RBM26: variants seen among roughly 807,000 people sequenced by gnomAD.
RBM26 encodes the protein RNA binding motif protein 26, also known as RNA-binding protein 26.
RBM26 carries 30 observed loss-of-function variants against 123.6 expected under a neutral mutation model. The observed-to-expected ratio is 0.24, with a 90% CI of 0.18 to 0.33. The LOEUF is 0.33. Among genes scored for constraint, RBM26 ranks in the 10% least tolerant of loss-of-function variants. RBM26 has a pLI of 1.00. For synonymous variants in RBM26, 400 were observed against 404.4 expected (o/e 0.99, Z 0.13); for missense variants, 947 against 1,203.6 (o/e 0.79, Z 3.15).
At chr13:79,359,198 T>C (rs2074375768) in intron 10 of RBM26, among the ~76,000 whole-genome samples, 1 of 152,164 alleles carries the variant, frequency 6.6e-6, no homozygotes, top group African/African-American at 2.4e-5. Flanking sequence ...AGCTCCTACC[T>C]AGCAGGAACT....
rs1405285358 is a variant in RBM26 at position 79,353,235 on chromosome 13, T to C, written c.1987-11A>G. On this transcript the variant is annotated splice_polypyrimidine_tract_variant and intron_variant, in intron 13 of 21. Transcript: ENST00000438737. ...TAACTTAGTTACATTCTAAAAAAAT[T>C]AAAATGGACATATTCAGTGTTTCCC... is the stretch of plus-strand genomic sequence containing the variant. 6.8e-7 allele frequency: 1 copy of C among 1,477,264 alleles called. No homozygotes were observed. Among genetic ancestry groups the C allele is most frequent in the Non-Finnish European group, 9.3e-7 (1 of 1,076,958 alleles). 91.5% of individuals were successfully genotyped at this position (1,477,264 alleles called of 1,614,324 possible).
intron 19 of RBM26, 57 bp downstream of exon 19, chr13:79,337,045 T>A: frequency 6.8e-7 from 1 of 1,466,592 alleles, no homozygotes; most frequent in East Asian, 2.3e-5. Context: ...TTTAATTATG[T>A]CTACTATCCC....
intron 1 of RBM26, among the ~76,000 whole-genome samples, chr13:79,405,264 G>C (rs893563424): frequency 1.3e-5 from 2 of 152,236 alleles, no homozygotes; most frequent in African/African-American, 2.4e-5. Context: ...GCACATGGGA[G>C]ACGTGGCCTT....
At chr13:79,327,295 CAAAA>C (rs5805024) in intron 20 of RBM26, among the ~76,000 whole-genome samples, 5 of 123,008 alleles carry the variant, frequency 4.1e-5, no homozygotes, top group Non-Finnish European at 3.5e-5. Flanking sequence ...GAACCTGTCT[CAAAA>C]AAAAAAAAAA....
chr13:79,390,715 T>C (rs1027266181), intron 1 of RBM26, among the ~76,000 whole-genome samples: 9 of 152,164 alleles, frequency 5.9e-5, no homozygotes, highest in Non-Finnish European at 1.3e-4. Context: ...CACACTAAAA[T>C]GTTAATGGTA....
At chr13:79,385,049 T>C (rs1281976062) in intron 1 of RBM26, among the ~76,000 whole-genome samples, 1 of 152,194 alleles carries the variant, frequency 6.6e-6, no homozygotes, top group Admixed American at 6.5e-5. Flanking sequence ...TTTAAATATG[T>C]TAACTGAGTA....
intron 11 of RBM26, among the ~76,000 whole-genome samples, chr13:79,357,121 T>C (rs542581073): frequency 6.6e-6 from 1 of 152,262 alleles, no homozygotes; most frequent in African/African-American, 2.4e-5. Flanking sequence ...CTGTTAACAA[T>C]AATGTAATTA....
chr13:79,338,694 A>G (rs1050123255), intron 18 of RBM26, among the ~76,000 whole-genome samples: 4 of 152,216 alleles, frequency 2.6e-5, no homozygotes, highest in Admixed American at 6.5e-5. Context: ...TCAGTGCTGA[A>G]GAGGATATTC....
intron 11 of RBM26, among the ~76,000 whole-genome samples, chr13:79,357,342 A>C (rs536329422): frequency 6.6e-6 from 1 of 152,084 alleles, no homozygotes; most frequent in Non-Finnish European, 1.5e-5. Flanking sequence ...TGTTTTTATT[A>C]AATTATAAAA....
intron 8 of RBM26, 114 bp downstream of exon 8, chr13:79,365,941 T>C: frequency 2.8e-6 from 3 of 1,084,780 alleles, no homozygotes; most frequent in South Asian, 1.6e-5. Flanking sequence ...TCACCACGGC[T>C]ACATAATTTT....
rs777502952 is a variant in RBM26 at position 79,405,712 on chromosome 13, G to C, written c.63C>G (p.Leu21=). 8 of 1,596,092 alleles carry C rather than the reference G, an allele frequency of 5.0e-6. No homozygotes were observed. The East Asian group carries it at 1.2e-4, about 23-fold the overall frequency. Residue 21 remains leucine, a synonymous_variant, in exon 1 of 22, where the codon CTC becomes CTG. Coordinates refer to ENST00000438737, the MANE Select transcript of RBM26 (RefSeq NM_001366735.2). ...ATCCCCCGGATACTCACATGGGCTC[G>C]AGAGTCTTGCTGAGCCAGGACTTGA... ...EALKSWLSKT[L]EPICDADPSA...
chr13:79,317,572 A>T (rs747002788), downstream of RBM26, among the ~76,000 whole-genome samples: 2 of 151,706 alleles, frequency 1.3e-5, no homozygotes, highest in Non-Finnish European at 3.0e-5. Context: ...AATTAGTGGG[A>T]TGGACTAGAC....
At chr13:79,365,448 A>C in intron 9 of RBM26, 130 bp downstream of exon 9, 2 of 757,730 alleles carry the variant, frequency 2.6e-6, no homozygotes, top group Non-Finnish European at 4.3e-6. Flanking sequence ...GTCTCCAAAA[A>C]TAAAATGAAA....
At chr13:79,379,600 T>C (rs866664246) in intron 1 of RBM26, among the ~76,000 whole-genome samples, 1 of 150,336 alleles carries the variant, frequency 6.7e-6, no homozygotes, top group Non-Finnish European at 1.5e-5. Flanking sequence ...CAAAATAAAC[T>C]TGGAAACATG....
chr13:79,390,924 A>G (rs891174495), intron 1 of RBM26, among the ~76,000 whole-genome samples: 1 of 152,210 alleles, frequency 6.6e-6, no homozygotes, highest in Non-Finnish European at 1.5e-5. Context: ...ATCAATATAT[A>G]AAAAGTCTAG....
intron 18 of RBM26, among the ~76,000 whole-genome samples, chr13:79,340,513 T>C (rs2071195206): frequency 6.6e-6 from 1 of 152,194 alleles, no homozygotes; most frequent in East Asian, 1.9e-4. Context: ...ATGACGTTAA[T>C]GTCTATTTCA....
intron 9 of RBM26, among the ~76,000 whole-genome samples, chr13:79,362,908 G>A (rs906173051): frequency 2.1e-4 from 32 of 152,110 alleles, no homozygotes; most frequent in African/African-American, 7.5e-4. Flanking sequence ...CTCAGCAAAT[G>A]ATCTAATATT....
chr13:79,389,659 TCAGC>T (rs2077774834), intron 1 of RBM26: 1 of 152,186 alleles, frequency 6.6e-6, no homozygotes, highest in Non-Finnish European at 1.5e-5. Flanking sequence ...ACACTGGATT[TCAGC>T]CATTGTAACG....
rs779664617 is a variant in RBM26, at chr13:79,358,456, T to C, written c.1530-23A>G. 1.2e-5 allele frequency: 19 copies of C among 1,591,962 alleles called. No individual in the cohort carries two copies. In the East Asian group the frequency reaches 4.3e-4, roughly 36 times the overall value. ...GGTCTGCAAACAAAATTCAAGTTAG[T>C]CAATACATTTATAAATCCTGACCCT... On this transcript the variant is annotated intron_variant, in intron 10 of 21. Coordinates refer to ENST00000438737, the MANE Select transcript of RBM26 (RefSeq NM_001366735.2).
Sources: gnomAD v4.1 joint callset for allele counts (sites outside exome capture counted in the v4.1 genomes callset) on GRCh38, gnomAD v4.1.1 for gene constraint, MANE v1.5 for transcripts, NCBI Gene and HGNC (gene_info 2026-07-23, HGNC 2026-07-21) for gene names.